The following CDR2 variants were observed in gnomAD, a reference collection of about 807,000 sequenced individuals.
CDR2 encodes cerebellar degeneration related protein 2.
A neutral mutation model predicts 48.4 loss-of-function variants in CDR2; 34 were observed. The ratio of observed to expected loss-of-function variants is 0.70; its 90% confidence interval spans 0.53 to 0.94. The LOEUF is 0.94. Among genes scored for constraint, CDR2 ranks in the 40% least tolerant of loss-of-function variants. The pLI is 0.00. For missense variants in CDR2, 498 were observed against 549.5 expected, an observed-to-expected ratio of 0.91 and a Z score of 0.94; for synonymous variants, 240 against 219.7, an observed-to-expected ratio of 1.09 and a Z score of -0.82.
intron 2 of CDR2, among the ~76,000 whole-genome samples, chr16:22,356,521 G>A (rs1177744204): frequency 6.6e-6 from 1 of 152,204 alleles, no homozygotes; most frequent in East Asian, 1.9e-4. Context: ...GGGAGGCCGA[G>A]GCAGGTGGAT....
intron 1 of CDR2, among the ~76,000 whole-genome samples, chr16:22,369,287 GAAAAAAAA>G (rs71312635): frequency 7.5e-6 from 1 of 132,770 alleles, no homozygotes; most frequent in East Asian, 2.2e-4. Flanking sequence ...CTCTTAGCAG[GAAAAAAAA>G]AAAAAAGAAA....
chr16:22,346,666 A>G lies in CDR2; in HGVS notation c.*299T>C, dbSNP rs914732840. Reference sequence around the variant, plus strand: ...CCCATACTGTAGTAACTCCAGGCCTACTTCTCCAGAAGTATAGCTCTTCCC... The same window carrying G: ...CCCATACTGTAGTAACTCCAGGCCTGCTTCTCCAGAAGTATAGCTCTTCCC... On this transcript the variant is annotated 3_prime_UTR_variant, in exon 5 of 5. Coordinates refer to ENST00000268383, the MANE Select transcript of CDR2 (RefSeq NM_001802.2). The G allele has an allele frequency of 1.1e-5, 4 of 365,732 alleles. No homozygotes were observed. The highest frequency in any genetic ancestry group is 2.0e-5 in the Non-Finnish European group (4 of 200,906). 22.7% of individuals were successfully genotyped at this position (365,732 alleles called of 1,614,324 possible).
At chr16:22,358,103 G>GT (rs1167244745) in intron 2 of CDR2, among the ~76,000 whole-genome samples, 2 of 152,198 alleles carry the variant, frequency 1.3e-5, no homozygotes, top group African/African-American at 2.4e-5. Flanking sequence ...ACGTACTGAT[G>GT]TAAGGCCAGA....
intron 2 of CDR2, among the ~76,000 whole-genome samples, chr16:22,355,191 A>G (rs373592972): frequency 6.6e-6 from 1 of 152,372 alleles, no homozygotes; most frequent in African/African-American, 2.4e-5. Context: ...TTCAGCATTA[A>G]TATTTTCCCA....
At chr16:22,349,495 A>G (rs766424602) in intron 3 of CDR2, 52 bp from the exon 4 acceptor site, 1 of 1,602,804 alleles carries the variant, frequency 6.2e-7, no homozygotes, top group South Asian at 1.1e-5. Context: ...AATCAAGGGC[A>G]AAAGCGGTGA....
At chr16:22,350,513 C>T (rs954785613) in intron 2 of CDR2, among the ~76,000 whole-genome samples, 11 of 152,290 alleles carry the variant, frequency 7.2e-5, no homozygotes, top group South Asian at 4.1e-4. Context: ...AGACCTCAAC[C>T]TATCAGGAAA....
In CDR2 at chr16:22,347,199, C is replaced by T. The variant is rs2048911609; in HGVS notation, c.1131G>A (p.Lys377=). ...CQEEQDSLSH[K]AVQTSRAAAK... ...CTGCAGCCCTGGAGGTCTGCACAGC[C>T]TTGTGTGACAGGGAGTCCTGTTCCT... Residue 377 remains lysine, a synonymous_variant, in exon 5 of 5, where the codon AAG becomes AAA. Transcript: ENST00000268383. The T allele has an allele frequency of 1.9e-6, 3 of 1,614,112 alleles. No homozygotes were observed. Among genetic ancestry groups the T allele is most frequent in the Admixed American group, 1.7e-5 (1 of 60,006 alleles).
At chr16:22,347,947 C>CT (rs889991676) in intron 4 of CDR2, 124 bp from the exon 5 acceptor site, 741 of 938,520 alleles carry the variant, frequency 7.9e-4, no homozygotes, top group Non-Finnish European at 9.2e-4. Flanking sequence ...ATTTTTTTTT[C>CT]TTTTTTTTTG....
intron 2 of CDR2, among the ~76,000 whole-genome samples, chr16:22,360,570 A>T (rs1394295644): frequency 6.6e-6 from 1 of 151,858 alleles, no homozygotes; most frequent in Non-Finnish European, 1.5e-5. Flanking sequence ...AATCTTAGGG[A>T]TCTTGTCCTA....
At chr16:22,370,862 A>C (rs1231238334) in intron 1 of CDR2, among the ~76,000 whole-genome samples, 1 of 152,246 alleles carries the variant, frequency 6.6e-6, no homozygotes, top group Non-Finnish European at 1.5e-5. Flanking sequence ...AGCATGGCTT[A>C]CTACTGCTAA....
rs187225624 is a variant in CDR2, at chr16:22,349,633, T to C, written c.341+68A>G. The stretch of plus-strand genomic sequence containing the variant: ...TATTGACCCAAACCCACTGCAGCCA[T>C]GTTCTATTCTAGTTTATACTAAAGA... On this transcript the variant is annotated intron_variant, in intron 3 of 4. Transcript: ENST00000268383. 1.8e-5 allele frequency: 28 copies of C among 1,526,356 alleles called. No homozygotes were observed. In the South Asian group the frequency reaches 3.0e-4, roughly 16 times the overall value. The allele number at this position is 1,526,356 out of a possible 1,614,324, so 94.6% of individuals were successfully genotyped here.
intron 2 of CDR2, 124 bp from the exon 3 acceptor site, chr16:22,349,973 G>A: frequency 1.2e-6 from 1 of 818,810 alleles, no homozygotes; most frequent in East Asian, 2.5e-5. Context: ...TGGATCACCT[G>A]AGGTTAGGAA....
rs759571397 is a variant in CDR2, at chr16:22,349,329, C to T, written c.456G>A (p.Glu152=). 1 of 1,614,192 alleles carries T rather than the reference C, an allele frequency of 6.2e-7. No homozygotes were observed. The highest frequency in any genetic ancestry group is 8.5e-7 in the Non-Finnish European group (1 of 1,180,034). The change falls in exon 4 of 5, where the codon GAG becomes GAA. Residue 152 remains glutamate (E), a synonymous_variant. Coordinates refer to ENST00000268383, the MANE Select transcript of CDR2 (RefSeq NM_001802.2). ...GACATGCAAAGCTGGGTGCCGGTTT[C>T]TCCTGGTCACACTTTCCCGGGCTCC... ...GRRSPGKCDQ[E]KPAPSFACLK...
Position 22,374,302 on chromosome 16 carries a change from G to T in CDR2, c.8C>A (p.Ala3Glu). 6.3e-7 allele frequency: 1 copy of T among 1,598,196 alleles called. No individual in the cohort carries two copies. The highest frequency in any genetic ancestry group is 1.4e-5 in the African/African-American group (1 of 72,878). The change falls in exon 1 of 5, where the codon GCG becomes GAG. Residue 3 changes from alanine (A) to glutamate (E), a missense_variant. Transcript: ENST00000268383. Reference protein sequence around the residue: MLAENLVEEFEMK... With the variant: MLEENLVEEFEMK... ...CTCAAACTCCTCTACCAGGTTTTCC[G>T]CCAGCATCTCGGCTGGGTCTTCTAG...
chr16:22,370,298 C>T (rs1046350731), intron 1 of CDR2, among the ~76,000 whole-genome samples: 1 of 152,112 alleles, frequency 6.6e-6, no homozygotes, highest in Non-Finnish European at 1.5e-5. Context: ...ATATAAATAT[C>T]AAGAAAAATG....
intron 1 of CDR2, among the ~76,000 whole-genome samples, chr16:22,370,904 G>C (rs1300244786): frequency 6.6e-6 from 1 of 152,162 alleles, no homozygotes; most frequent in Non-Finnish European, 1.5e-5. Context: ...AAGATACTGA[G>C]AACAGGATCA....
chr16:22,365,081 C>A (rs2049036669), intron 1 of CDR2, 67 bp from the exon 2 acceptor site: 4 of 1,049,122 alleles, frequency 3.8e-6, no homozygotes, highest in African/African-American at 3.1e-5. Context: ...ATAACCCAGT[C>A]CTTCAAAAAA....
intron 2 of CDR2, among the ~76,000 whole-genome samples, chr16:22,359,631 G>A (rs748464755): frequency 3.0e-4 from 45 of 152,004 alleles, no homozygotes; most frequent in Non-Finnish European, 6.0e-4. Context: ...ATTCCATAAC[G>A]GAGCAAAGAG....
intron 2 of CDR2, among the ~76,000 whole-genome samples, chr16:22,361,308 A>G (rs974047186): frequency 1.3e-5 from 2 of 152,224 alleles, no homozygotes; most frequent in Non-Finnish European, 2.9e-5. Context: ...TTTCAATAAA[A>G]AGTTTAAGGG....
Sources: allele counts gnomAD v4.1 joint callset (sites outside exome capture counted in the v4.1 genomes callset), GRCh38; gene constraint gnomAD v4.1.1; transcripts MANE v1.5; gene names NCBI Gene and HGNC (gene_info 2026-07-23, HGNC 2026-07-21).